The following CDKAL1 variants were observed in gnomAD, a reference collection of about 807,000 sequenced individuals.
CDKAL1 encodes the protein threonylcarbamoyladenosine tRNA methylthiotransferase.
CDKAL1 carries 32 observed loss-of-function variants against 68.2 expected under a neutral mutation model. That is an observed-to-expected ratio of 0.47 (90% CI 0.35 to 0.63). The LOEUF is 0.63. CDKAL1 is among the 30% of genes least tolerant of loss of function. CDKAL1 has a pLI of 0.00. For missense variants in CDKAL1, 606 were observed against 696.7 expected (o/e 0.87, Z 1.47); for synonymous variants, 234 against 244.3 (o/e 0.96, Z 0.39).
In CDKAL1 at chr6:20,936,451, C is replaced by G. The variant is rs1013182254; in HGVS notation, c.743-18968C>G. On this transcript the variant is annotated intron_variant, in intron 9 of 15. Coordinates refer to ENST00000274695, the MANE Select transcript of CDKAL1 (RefSeq NM_017774.3). ...ATTTTTAGTAGAGACGGGGTTTCAC[C>G]GTTTTAGCCGGGATGGTCTCGATCT... is the stretch of plus-strand genomic sequence containing the variant. Among the ~76,000 whole-genome samples the G allele has an allele frequency of 6.7e-4, 101 of 150,854 alleles. 1 individual carries two copies. The highest frequency in any genetic ancestry group is 2.0e-4 in the Admixed American group (3 of 15,166).
intron 4 of CDKAL1, among the ~76,000 whole-genome samples, chr6:20,549,886 T>C (rs9465801): frequency 0.78 from 118,013 of 151,924 alleles, 45,913 homozygotes; most frequent in Middle Eastern, 0.9. Context: ...GGATTACAGG[T>C]GTGAGCCACT....
At chr6:20,551,472 G>A (rs1763822640) in intron 4 of CDKAL1, among the ~76,000 whole-genome samples, 1 of 150,444 alleles carries the variant, frequency 6.6e-6, no homozygotes, top group South Asian at 2.1e-4. Flanking sequence ...GGTTCATGTC[G>A]TTCTCCTGCC....
intron 9 of CDKAL1, among the ~76,000 whole-genome samples, chr6:20,907,213 T>C (rs943898978): frequency 1.3e-5 from 2 of 152,084 alleles, no homozygotes; most frequent in Admixed American, 1.3e-4. Context: ...ACTTAAAAAA[T>C]GTTTAAGATG....
At chr6:20,788,384 G>T (rs1324715584) in intron 8 of CDKAL1, among the ~76,000 whole-genome samples, 1 of 152,206 alleles carries the variant, frequency 6.6e-6, no homozygotes, top group Non-Finnish European at 1.5e-5. Flanking sequence ...CACACCGTAA[G>T]GTGAGTACAG....
At chr6:21,169,923 C>G (rs1236624688) in intron 13 of CDKAL1, among the ~76,000 whole-genome samples, 1 of 123,886 alleles carries the variant, frequency 8.1e-6, no homozygotes, top group Non-Finnish European at 1.7e-5. Flanking sequence ...CGGGAAAGAC[C>G]CCCCCCACCC....
intron 11 of CDKAL1, among the ~76,000 whole-genome samples, chr6:21,028,684 T>C (rs1352151157): frequency 6.6e-6 from 1 of 152,210 alleles, no homozygotes; most frequent in Non-Finnish European, 1.5e-5. Flanking sequence ...TATTAGGGCT[T>C]CAACATGTAA....
At chr6:20,575,354 G>C (rs964311766) in intron 4 of CDKAL1, among the ~76,000 whole-genome samples, 5 of 145,706 alleles carry the variant, frequency 3.4e-5, no homozygotes, top group Admixed American at 7.2e-5. Flanking sequence ...CAAAAAACCT[G>C]TTAGAATTAT....
intron 12 of CDKAL1, among the ~76,000 whole-genome samples, chr6:21,088,670 G>C (rs1772832638): frequency 6.6e-6 from 1 of 152,148 alleles, no homozygotes; most frequent in Non-Finnish European, 1.5e-5. Flanking sequence ...GGCTGGGCAT[G>C]GTGACTCACA....
At chr6:20,843,528 C>T (rs569682827) in intron 8 of CDKAL1, among the ~76,000 whole-genome samples, 32 of 152,086 alleles carry the variant, frequency 2.1e-4, no homozygotes, top group African/African-American at 7.5e-4. Context: ...GATCCAACTC[C>T]AAACACAAAA....
At chr6:20,715,928 T>G (rs192234133) in intron 5 of CDKAL1, among the ~76,000 whole-genome samples, 1 of 152,338 alleles carries the variant, frequency 6.6e-6, no homozygotes, top group East Asian at 1.9e-4. Context: ...GTTTATTTTC[T>G]GATATGGATT....
chr6:20,976,862 A>G (rs117827452), intron 10 of CDKAL1, among the ~76,000 whole-genome samples: 1 of 152,284 alleles, frequency 6.6e-6, no homozygotes, highest in East Asian at 1.9e-4. Context: ...ATTGCTGTGA[A>G]GTGTTGTTTT....
intron 11 of CDKAL1, among the ~76,000 whole-genome samples, chr6:21,053,434 A>C (rs1231719293): frequency 6.6e-6 from 1 of 152,194 alleles, no homozygotes; most frequent in Non-Finnish European, 1.5e-5. Context: ...TGAAAATCCA[A>C]GTACAGGTCT....
intron 9 of CDKAL1, among the ~76,000 whole-genome samples, chr6:20,880,235 T>TA: frequency 6.7e-6 from 1 of 149,008 alleles, no homozygotes. Flanking sequence ...TTACTTTTTT[T>TA]ATTCCATCAA....
intron 12 of CDKAL1, among the ~76,000 whole-genome samples, chr6:21,078,784 C>A (rs1263387020): frequency 6.6e-6 from 1 of 152,200 alleles, no homozygotes; most frequent in Non-Finnish European, 1.5e-5. Flanking sequence ...CTTCCCTGAT[C>A]ATCCCTGGCT....
intron 11 of CDKAL1, among the ~76,000 whole-genome samples, chr6:21,026,542 A>G (rs1023515543): frequency 1.3e-5 from 2 of 152,162 alleles, no homozygotes; most frequent in Non-Finnish European, 2.9e-5. Context: ...ACAATTTTAA[A>G]TAATTATACA....
chr6:20,914,745 C>G (rs1762643409), intron 9 of CDKAL1, among the ~76,000 whole-genome samples: 1 of 152,190 alleles, frequency 6.6e-6, no homozygotes, highest in African/African-American at 2.4e-5. Context: ...TAACAGTTTT[C>G]TATAGCTGCA....
chr6:21,028,783 A>G (rs1769099261), intron 11 of CDKAL1, among the ~76,000 whole-genome samples: 1 of 152,206 alleles, frequency 6.6e-6, no homozygotes, highest in African/African-American at 2.4e-5. Flanking sequence ...AAGTGGCTCA[A>G]AGGCACATAA....
At chr6:20,947,681 C>G (rs1764316353) in intron 9 of CDKAL1, among the ~76,000 whole-genome samples, 1 of 152,166 alleles carries the variant, frequency 6.6e-6, no homozygotes, top group Non-Finnish European at 1.5e-5. Context: ...TTAGCGTAGC[C>G]TACCTTAAAC....
At chr6:20,902,358 C>A (rs9368256) in intron 9 of CDKAL1, among the ~76,000 whole-genome samples, 1,415 of 25,490 alleles carry the variant, frequency 0.056, 29 homozygotes, top group Admixed American at 0.087. Context: ...CACACACACA[C>A]AATGTGTTTA....
Sources: gnomAD v4.1 joint callset for allele counts (sites outside exome capture counted in the v4.1 genomes callset) on GRCh38, gnomAD v4.1.1 for gene constraint, MANE v1.5 for transcripts, NCBI Gene and HGNC (gene_info 2026-07-23, HGNC 2026-07-21) for gene names.